The following DLGAP1 variants were observed in gnomAD, a reference collection of about 807,000 sequenced individuals.
The protein encoded by DLGAP1 is disks large-associated protein 1.
A neutral mutation model predicts 90.8 loss-of-function variants in DLGAP1; 11 were observed. The ratio of observed to expected loss-of-function variants is 0.12; its 90% CI spans 0.08 to 0.20. DLGAP1 has a LOEUF of 0.20. Among genes scored for constraint, DLGAP1 ranks in the 10% least tolerant of loss-of-function variants. The pLI is 1.00. For synonymous variants in DLGAP1, 558 were observed against 540.7 expected (o/e 1.03, Z -0.44); for missense variants, 1,050 against 1,333.8 (o/e 0.79, Z 3.31).
At chr18:3,519,124 C>T (rs2051017398) in intron 10 of DLGAP1, among the ~76,000 whole-genome samples, 1 of 152,152 alleles carries the variant, frequency 6.6e-6, no homozygotes, top group South Asian at 2.1e-4. Flanking sequence ...ACAGAGGAGA[C>T]AGGACCTTAA....
chr18:4,289,712 CTAATTT>C (rs1397367159), intron 1 of DLGAP1, among the ~76,000 whole-genome samples: 9 of 151,926 alleles, frequency 5.9e-5, no homozygotes, highest in African/African-American at 2.2e-4. Flanking sequence ...ATGAGTAAAC[CTAATTT>C]TAATGTTTAA....
At chr18:4,013,490 G>A (rs2074466005) in intron 2 of DLGAP1, 2 of 152,188 alleles carry the variant, frequency 1.3e-5, no homozygotes, top group South Asian at 4.1e-4. Context: ...AAAGTTTCAA[G>A]CACTAAATTA....
chr18:4,166,754 G>A (rs1465555228), intron 1 of DLGAP1, among the ~76,000 whole-genome samples: 1 of 152,118 alleles, frequency 6.6e-6, no homozygotes, highest in African/African-American at 2.4e-5. Context: ...CAACATTGAT[G>A]AACTAAGTGA....
intron 11 of DLGAP1, among the ~76,000 whole-genome samples, chr18:3,508,211 AT>A (rs1039191326): frequency 9.2e-5 from 14 of 152,156 alleles, no homozygotes; most frequent in African/African-American, 2.2e-4. Context: ...ATCCAAAATG[AT>A]TTTTTTTGGG....
chr18:3,553,620 G>A (rs563249831), intron 9 of DLGAP1, among the ~76,000 whole-genome samples: 4 of 152,152 alleles, frequency 2.6e-5, no homozygotes, highest in South Asian at 2.1e-4. Context: ...TGCAACCTCC[G>A]TCTTCCGGGT....
At chr18:3,875,230 T>C (rs1395400824) in intron 4 of DLGAP1, among the ~76,000 whole-genome samples, 2 of 152,078 alleles carry the variant, frequency 1.3e-5, no homozygotes, top group African/African-American at 2.4e-5. Context: ...ATAAATCAAG[T>C]AATAAAATAA....
intron 4 of DLGAP1, among the ~76,000 whole-genome samples, chr18:3,852,255 T>C (rs940014854): frequency 1.3e-5 from 2 of 152,020 alleles, no homozygotes; most frequent in East Asian, 3.9e-4. Flanking sequence ...CCCAGAAAAA[T>C]TTTTGAAAAG....
intron 7 of DLGAP1, among the ~76,000 whole-genome samples, chr18:3,632,859 G>A (rs960843116): frequency 1.3e-5 from 2 of 152,122 alleles, no homozygotes; most frequent in Admixed American, 1.3e-4. Context: ...TTGAATGAGA[G>A]CTCATGGTTA....
At chr18:4,275,632 T>A (rs2079394677) in intron 1 of DLGAP1, among the ~76,000 whole-genome samples, 1 of 151,160 alleles carries the variant, frequency 6.6e-6, no homozygotes, top group Admixed American at 6.6e-5. Context: ...ATATCATAAA[T>A]GCCCAAAACT....
At chr18:3,671,603 A>G (rs2060091339) in intron 7 of DLGAP1, among the ~76,000 whole-genome samples, 1 of 152,230 alleles carries the variant, frequency 6.6e-6, no homozygotes, top group Non-Finnish European at 1.5e-5. Context: ...TAAGACTAAG[A>G]TGGAGCCAGT....
chr18:4,268,553 T>G (rs2079183201), intron 1 of DLGAP1, among the ~76,000 whole-genome samples: 1 of 152,198 alleles, frequency 6.6e-6, no homozygotes, highest in South Asian at 2.1e-4. Context: ...AATTTTCTAT[T>G]TTCTAGTTTT....
At chr18:3,961,667 C>T (rs765529046) in intron 3 of DLGAP1, among the ~76,000 whole-genome samples, 4 of 152,216 alleles carry the variant, frequency 2.6e-5, no homozygotes, top group Non-Finnish European at 4.4e-5. Flanking sequence ...ACACTGATGC[C>T]TGGTCAGCAG....
intron 1 of DLGAP1, among the ~76,000 whole-genome samples, chr18:4,306,423 A>G (rs2080260688): frequency 9.0e-6 from 1 of 110,544 alleles, no homozygotes; most frequent in Non-Finnish European, 1.9e-5. Context: ...AAGAGAAAGT[A>G]AGAGTGTGTG....
chr18:4,402,667 A>G (rs2082579944), intron 1 of DLGAP1, among the ~76,000 whole-genome samples: 1 of 152,216 alleles, frequency 6.6e-6, no homozygotes, highest in East Asian at 1.9e-4. Flanking sequence ...TTAATTATTA[A>G]AAAGCACTGA....
chr18:4,081,911 G>A (rs1407474687), intron 2 of DLGAP1, among the ~76,000 whole-genome samples: 1 of 152,054 alleles, frequency 6.6e-6, no homozygotes, highest in Non-Finnish European at 1.5e-5. Flanking sequence ...TTTTCCTTAA[G>A]AAGAAGGGTA....
At chr18:4,365,934 T>G (rs930645108) in intron 1 of DLGAP1, among the ~76,000 whole-genome samples, 3 of 152,134 alleles carry the variant, frequency 2.0e-5, no homozygotes, top group South Asian at 4.1e-4. Flanking sequence ...TTTTTAAATG[T>G]TATCAGCGTA....
At chr18:4,302,607 C>A (rs376574101) in intron 1 of DLGAP1, among the ~76,000 whole-genome samples, 1 of 152,004 alleles carries the variant, frequency 6.6e-6, no homozygotes. Flanking sequence ...CAGAACCATG[C>A]TTTTAAATTA....
chr18:3,913,025 A>G (rs2072068979), intron 3 of DLGAP1, among the ~76,000 whole-genome samples: 1 of 152,210 alleles, frequency 6.6e-6, no homozygotes, highest in Non-Finnish European at 1.5e-5. Flanking sequence ...CCACTGAACT[A>G]GATGATCTCA....
In DLGAP1 at chr18:4,338,086, C is replaced by T. The variant is rs568925619; in HGVS notation, c.-267+116920G>A. ...AAACTAATCTTACCACTAATTTTAG[C>T]ATCCATTAAAAAATTCCAATCAGTC... On this transcript the variant is annotated intron_variant, in intron 1 of 12. Transcript: ENST00000315677. 2.6e-5 allele frequency among the ~76,000 whole-genome samples: 4 copies of T among 152,180 alleles called. No homozygotes were observed. The South Asian group carries it at 6.2e-4, about 24-fold the overall frequency.
Sources: allele counts gnomAD v4.1 joint callset (sites outside exome capture counted in the v4.1 genomes callset), GRCh38; gene constraint gnomAD v4.1.1; transcripts MANE v1.5; gene names NCBI Gene and HGNC (gene_info 2026-07-23, HGNC 2026-07-21).